The following NECAB1 variants were observed in gnomAD, a reference collection of about 807,000 sequenced individuals.
The protein encoded by NECAB1 is N-terminal EF-hand calcium-binding protein 1.
NECAB1 carries 29 observed loss-of-function variants against 57.5 expected under a neutral mutation model. The observed-to-expected ratio is 0.50, with a 90% confidence interval of 0.38 to 0.69. The LOEUF is 0.69. NECAB1 is among the 30% of genes least tolerant of loss of function. The pLI, the probability that NECAB1 is intolerant of heterozygous loss-of-function variation, is 0.00. For synonymous variants in NECAB1, 142 were observed against 147.7 expected (o/e 0.96, Z 0.28); for missense variants, 372 against 413.8 (o/e 0.90, Z 0.88).
At chr8:90,885,659 A>T (rs894083114) in intron 5 of NECAB1, among the ~76,000 whole-genome samples, 1 of 152,196 alleles carries the variant, frequency 6.6e-6, no homozygotes, top group Non-Finnish European at 1.5e-5. Context: ...TCAATATCCT[A>T]AAGATAATGA....
chr8:90,866,062 G>A (rs962865008), intron 3 of NECAB1, among the ~76,000 whole-genome samples: 1 of 152,088 alleles, frequency 6.6e-6, no homozygotes, highest in African/African-American at 2.4e-5. Flanking sequence ...TATTTGCAAG[G>A]TCAGATATTT....
chr8:90,924,268 T>C (rs574611912), intron 6 of NECAB1, among the ~76,000 whole-genome samples: 17 of 152,212 alleles, frequency 1.1e-4, no homozygotes, highest in Non-Finnish European at 2.1e-4. Flanking sequence ...TGTTTATTCA[T>C]GCAATGTTTC....
chr8:90,852,480 C>G (rs892659918), intron 3 of NECAB1, among the ~76,000 whole-genome samples: 1 of 152,150 alleles, frequency 6.6e-6, no homozygotes, highest in Non-Finnish European at 1.5e-5. Flanking sequence ...TGACAAAACC[C>G]CACCCTCAAG....
At chr8:90,888,245 G>A (rs745747508) in intron 5 of NECAB1, among the ~76,000 whole-genome samples, 13 of 152,068 alleles carry the variant, frequency 8.5e-5, no homozygotes, top group African/African-American at 2.9e-4. Context: ...ATGAAAGGAC[G>A]AGTACAAAGT....
chr8:90,900,048 C>T (rs1221679351), intron 5 of NECAB1, among the ~76,000 whole-genome samples: 1 of 152,160 alleles, frequency 6.6e-6, no homozygotes, highest in African/African-American at 2.4e-5. Context: ...TAATACAGTG[C>T]TGTAAAGGCA....
intron 3 of NECAB1, among the ~76,000 whole-genome samples, chr8:90,857,649 A>C (rs952367234): frequency 6.6e-6 from 1 of 152,158 alleles, no homozygotes; most frequent in African/African-American, 2.4e-5. Flanking sequence ...TTTAACATAA[A>C]AGATAGGCAA....
intron 6 of NECAB1, among the ~76,000 whole-genome samples, chr8:90,918,175 A>G (rs921177393): frequency 6.6e-6 from 1 of 150,520 alleles, no homozygotes; most frequent in African/African-American, 2.4e-5. Flanking sequence ...ACGTCCAGCT[A>G]ATTTATTGTA....
intron 3 of NECAB1, among the ~76,000 whole-genome samples, chr8:90,860,626 T>C (rs1402473155): frequency 7.9e-5 from 12 of 152,188 alleles, no homozygotes; most frequent in Admixed American, 7.9e-4. Flanking sequence ...GATGGATAGA[T>C]GAATAAAAAG....
chr8:90,841,526 C>T (rs1812454532), intron 3 of NECAB1, among the ~76,000 whole-genome samples: 1 of 152,142 alleles, frequency 6.6e-6, no homozygotes, highest in Non-Finnish European at 1.5e-5. Flanking sequence ...AGCAACTTCA[C>T]ATTTTTAATA....
chr8:90,949,681 C>T, intron 10 of NECAB1, 126 bp from the exon 11 acceptor site: 1 of 471,470 alleles, frequency 2.1e-6, no homozygotes. Context: ...GATTTTCATG[C>T]AGGCACCTTA....
chr8:90,933,538 G>A (rs2130204666), intron 8 of NECAB1, among the ~76,000 whole-genome samples: 1 of 152,236 alleles, frequency 6.6e-6, no homozygotes, highest in East Asian at 1.9e-4. Flanking sequence ...AGGATGCAAA[G>A]GCATAAGAAT....
chr8:90,953,926 A>G (rs1810966043), intron 12 of NECAB1, among the ~76,000 whole-genome samples: 1 of 151,908 alleles, frequency 6.6e-6, no homozygotes, highest in Non-Finnish European at 1.5e-5. Context: ...AAAATTAGCC[A>G]GGCATGGTGG....
chr8:90,835,159 G>A (rs543724942), intron 3 of NECAB1, among the ~76,000 whole-genome samples: 3 of 152,112 alleles, frequency 2.0e-5, no homozygotes, highest in East Asian at 1.9e-4. Context: ...TAAATTCCAC[G>A]AAGGCAGAGG....
chr8:90,836,377 A>G (rs1277334193), intron 3 of NECAB1, among the ~76,000 whole-genome samples: 1 of 152,234 alleles, frequency 6.6e-6, no homozygotes, highest in African/African-American at 2.4e-5. Context: ...AAAACTGGGC[A>G]TGAGAATCAG....
intron 3 of NECAB1, among the ~76,000 whole-genome samples, chr8:90,842,469 A>G (rs760857091): frequency 1.3e-5 from 2 of 152,192 alleles, no homozygotes; most frequent in South Asian, 2.1e-4. Context: ...AGCTGTCTGC[A>G]GGGGAACATC....
chr8:90,940,887 TG>T lies in NECAB1; in HGVS notation c.851del (p.Gly284AspfsTer17). 6.4e-7 allele frequency: 1 copy of T among 1,558,130 alleles called. No individual in the cohort carries two copies. Among genetic ancestry groups the T allele is most frequent in the East Asian group, 2.4e-5 (1 of 41,456 alleles). On this transcript the variant is annotated frameshift_variant, in exon 10 of 13. Transcript: ENST00000417640. LOFTEE classifies it high-confidence loss of function. ...ACGTGGAGAGTGCTTCCTCCCAAAG[TG>T]GATGCTTGCGGTAAGTGCTCCGACT... Reference protein sequence around the residue: ...HYVESASSQSGCLRISIQKLS... With the variant: ...HYVESASSQSXCLRISIQKLS...
At chr8:90,931,338 C>T (rs1480002421) in intron 8 of NECAB1, among the ~76,000 whole-genome samples, 1 of 152,168 alleles carries the variant, frequency 6.6e-6, no homozygotes. Context: ...TACCTTGTCT[C>T]CTGTAGTTGT....
At chr8:90,917,372 C>A in intron 5 of NECAB1, 120 bp from the exon 6 acceptor site, 1 of 813,692 alleles carries the variant, frequency 1.2e-6, no homozygotes, top group Non-Finnish European at 1.8e-6. Flanking sequence ...TTTCCCTTCT[C>A]TCCACCCTCT....
chr8:90,836,329 A>C (rs1027536590), intron 3 of NECAB1, among the ~76,000 whole-genome samples: 1 of 152,194 alleles, frequency 6.6e-6, no homozygotes, highest in African/African-American at 2.4e-5. Flanking sequence ...AATAGACTAA[A>C]TAGCAAAAGC....
Sources: allele counts gnomAD v4.1 joint callset (sites outside exome capture counted in the v4.1 genomes callset), GRCh38; gene constraint gnomAD v4.1.1; transcripts MANE v1.5; gene names NCBI Gene and HGNC (gene_info 2026-07-23, HGNC 2026-07-21).